The following RBMS3 variants were observed in gnomAD, a reference collection of about 807,000 sequenced individuals.
The protein encoded by RBMS3 is RNA-binding motif, single-stranded-interacting protein 3.
In RBMS3, 27 loss-of-function variants were observed where a neutral mutation model predicts 66.8. The ratio of observed to expected loss-of-function variants is 0.40; its 90% confidence interval spans 0.30 to 0.56. RBMS3 has a LOEUF of 0.56. Ranked by LOEUF, RBMS3 falls within the 20% of genes least tolerant of loss-of-function variation. The pLI, the probability that RBMS3 is intolerant of heterozygous loss-of-function variation, is 0.40. For missense variants in RBMS3, 513 were observed against 549.5 expected (o/e 0.93, Z 0.66); for synonymous variants, 188 against 183.0 (o/e 1.03, Z -0.22).
At chr3:29,488,653 T>C (rs2043414124) in intron 3 of RBMS3, among the ~76,000 whole-genome samples, 154 bp downstream of exon 3, 1 of 152,208 alleles carries the variant, frequency 6.6e-6, no homozygotes, top group African/African-American at 2.4e-5. Flanking sequence ...TAAGTTGTAT[T>C]TCTAGTAACA....
intron 12 of RBMS3, among the ~76,000 whole-genome samples, chr3:29,973,822 C>T (rs1036976583): frequency 6.6e-6 from 1 of 151,930 alleles, no homozygotes; most frequent in Admixed American, 6.6e-5. Context: ...ACACTTCTTT[C>T]ATGACCCTAT....
intron 4 of RBMS3, among the ~76,000 whole-genome samples, chr3:29,627,968 GCCCA>G (rs2049133413): frequency 6.6e-6 from 1 of 152,072 alleles, no homozygotes; most frequent in South Asian, 2.1e-4. Flanking sequence ...CCAAGCAGAG[GCCCA>G]GCTTCTGCAA....
chr3:29,685,665 A>G (rs541535780), intron 4 of RBMS3, among the ~76,000 whole-genome samples: 1 of 152,356 alleles, frequency 6.6e-6, no homozygotes, highest in South Asian at 2.1e-4. Flanking sequence ...ATAGGCAGGA[A>G]CTGTGCGACT....
intron 1 of RBMS3, among the ~76,000 whole-genome samples, chr3:29,284,272 C>T (rs75462496): frequency 0.015 from 2,256 of 152,052 alleles, 70 homozygotes; most frequent in African/African-American, 0.052. Flanking sequence ...AGGTAAAAAT[C>T]GTATTCTGGT....
At chr3:29,365,738 A>C (rs28635648) in intron 1 of RBMS3, among the ~76,000 whole-genome samples, 1 of 152,144 alleles carries the variant, frequency 6.6e-6, no homozygotes, top group Non-Finnish European at 1.5e-5. Context: ...CGTTAGGTAC[A>C]TGCAAATGTC....
intron 10 of RBMS3, among the ~76,000 whole-genome samples, chr3:29,926,380 A>G (rs2060938649): frequency 6.6e-6 from 1 of 152,212 alleles, no homozygotes; most frequent in Non-Finnish European, 1.5e-5. Flanking sequence ...TGCTTTTTGC[A>G]GCAAATTGCA....
chr3:29,748,890 T>C (rs894572958), intron 5 of RBMS3, among the ~76,000 whole-genome samples: 3 of 152,164 alleles, frequency 2.0e-5, no homozygotes, highest in African/African-American at 4.8e-5. Flanking sequence ...GGGGAGAGAA[T>C]ACATCTCAGT....
intron 3 of RBMS3, among the ~76,000 whole-genome samples, chr3:29,505,548 T>C (rs1449780114): frequency 2.0e-5 from 3 of 151,200 alleles, no homozygotes; most frequent in Non-Finnish European, 4.4e-5. Flanking sequence ...TTACTCAAGA[T>C]AGCTTTGGCT....
At chr3:29,518,871 G>A (rs1256749312) in intron 3 of RBMS3, among the ~76,000 whole-genome samples, 4 of 152,158 alleles carry the variant, frequency 2.6e-5, no homozygotes, top group African/African-American at 9.6e-5. Flanking sequence ...AACTGTAGAT[G>A]ATAGGGCTAC....
chr3:30,004,100 A>G lies in RBMS3; in HGVS notation c.*238A>G, dbSNP rs1699731589. 1 of 347,924 alleles carries G rather than the reference A, an allele frequency of 2.9e-6. No homozygotes were observed. The highest frequency in any genetic ancestry group is 5.1e-6 in the Non-Finnish European group (1 of 194,666). 21.6% of individuals were successfully genotyped at this position (347,924 alleles called of 1,614,324 possible). ...CATCATTTTTTTAATTAAAGAAAAA[A>G]TTTCCAGAAGAGGAAAAAAAAACTA... On this transcript the variant is annotated 3_prime_UTR_variant, in exon 15 of 15. Transcript: ENST00000383767.
intron 6 of RBMS3, among the ~76,000 whole-genome samples, chr3:29,844,890 C>T (rs9861333): frequency 0.53 from 80,012 of 152,008 alleles, 21,613 homozygotes; most frequent in Non-Finnish European, 0.59. Flanking sequence ...TAAAAAGTGT[C>T]ATTCTTTGTT....
At chr3:29,773,609 C>G (rs76279563) in intron 6 of RBMS3, among the ~76,000 whole-genome samples, 2 of 152,134 alleles carry the variant, frequency 1.3e-5, no homozygotes, top group African/African-American at 4.8e-5. Flanking sequence ...GTTATTAGAG[C>G]AAATGTTAGT....
At chr3:29,482,942 G>A (rs1442350425) in intron 2 of RBMS3, among the ~76,000 whole-genome samples, 3 of 151,442 alleles carry the variant, frequency 2.0e-5, no homozygotes, top group Non-Finnish European at 2.9e-5. Flanking sequence ...TCCTAACCTC[G>A]TGATCTACCC....
At chr3:29,362,558 A>G (rs2037664018) in intron 1 of RBMS3, among the ~76,000 whole-genome samples, 3 of 152,158 alleles carry the variant, frequency 2.0e-5, no homozygotes, top group South Asian at 4.1e-4. Flanking sequence ...TGGGAGAACT[A>G]CTACTCTCTT....
chr3:29,701,787 C>T (rs569807391), intron 4 of RBMS3, among the ~76,000 whole-genome samples: 10 of 152,214 alleles, frequency 6.6e-5, no homozygotes, highest in African/African-American at 1.7e-4. Flanking sequence ...GAATTCTCAC[C>T]GGGCCTCAGC....
At chr3:29,966,935 A>G (rs948619901) in intron 12 of RBMS3, among the ~76,000 whole-genome samples, 1 of 152,216 alleles carries the variant, frequency 6.6e-6, no homozygotes, top group Non-Finnish European at 1.5e-5. Context: ...CTTTTTCTGC[A>G]TCTATTCAGA....
intron 1 of RBMS3, among the ~76,000 whole-genome samples, chr3:29,328,060 T>TA (rs566400576): frequency 7.9e-5 from 12 of 152,220 alleles, no homozygotes; most frequent in Non-Finnish European, 1.5e-4. Context: ...AGGTGGCACT[T>TA]ACTCTGATTT....
chr3:29,355,325 T>C (rs959103187), intron 1 of RBMS3, among the ~76,000 whole-genome samples: 6 of 152,110 alleles, frequency 3.9e-5, no homozygotes, highest in African/African-American at 1.4e-4. Context: ...AAAAAACCTG[T>C]TTAATAAGCT....
At chr3:29,403,346 A>G (rs1352740120) in intron 1 of RBMS3, among the ~76,000 whole-genome samples, 1 of 152,184 alleles carries the variant, frequency 6.6e-6, no homozygotes, top group East Asian at 1.9e-4. Flanking sequence ...TGTTTAGATC[A>G]AACATGAGAA....
Sources: allele counts gnomAD v4.1 joint callset (sites outside exome capture counted in the v4.1 genomes callset), GRCh38; gene constraint gnomAD v4.1.1; transcripts MANE v1.5; gene names NCBI Gene and HGNC (gene_info 2026-07-23, HGNC 2026-07-21).